Variants in TRAPPC8 observed in about 807,000 individuals in gnomAD.
TRAPPC8 encodes trafficking protein particle complex subunit 8.
In TRAPPC8, 54 loss-of-function variants were observed where a neutral mutation model predicts 174.3. The observed-to-expected ratio is 0.31, with a 90% CI of 0.25 to 0.39. The LOEUF (loss-of-function observed/expected upper bound fraction) is 0.39, where lower values mean the gene tolerates loss of function less well. TRAPPC8 is among the 10% of genes least tolerant of loss of function. The probability of loss-of-function intolerance (pLI) is 1.00; values close to 1 mark genes in which losing one functional copy is unlikely to be tolerated. For synonymous variants in TRAPPC8, 630 were observed against 579.9 expected, an observed-to-expected ratio of 1.09 and a Z score of -1.24; for missense variants, 1,531 against 1,699.1, an observed-to-expected ratio of 0.90 and a Z score of 1.74.
At chr18:31,920,499 T>C (rs930446992) in intron 2 of TRAPPC8, among the ~76,000 whole-genome samples, 3 of 152,144 alleles carry the variant, frequency 2.0e-5, no homozygotes, top group African/African-American at 7.2e-5. Flanking sequence ...TTCATGTTCA[T>C]TCTTATAAAA....
chr18:31,830,870 C>A lies in TRAPPC8; in HGVS notation c.4193G>T (p.Gly1398Val). The A allele has an allele frequency of 6.2e-7, 1 of 1,614,198 alleles. No homozygotes were observed. Among genetic ancestry groups the A allele is most frequent in the Non-Finnish European group, 8.5e-7 (1 of 1,180,032 alleles). ...CCTAGGAGTTCCAAGGTTATAAACA[C>A]CTGTATGAACAAAGCATGCTTTCAG... is the stretch of plus-strand genomic sequence containing the variant. ...LQLKACFVHT[G>V]VYNLGTPRVF... The change falls in exon 29 of 29, where the codon GGT becomes GTT. Residue 1398 changes from glycine to valine, a missense_variant. Transcript: ENST00000283351.
chr18:31,894,023 A>G (rs2036082456), intron 11 of TRAPPC8, among the ~76,000 whole-genome samples: 1 of 152,208 alleles, frequency 6.6e-6, no homozygotes, highest in Non-Finnish European at 1.5e-5. Context: ...CCAAAATGAG[A>G]AACCCTTAGC....
At chr18:31,919,206 T>A (rs2037270522) in intron 2 of TRAPPC8, among the ~76,000 whole-genome samples, 1 of 152,054 alleles carries the variant, frequency 6.6e-6, no homozygotes, top group Non-Finnish European at 1.5e-5. Context: ...AAAGAGGAAA[T>A]GGGCAGGGCA....
chr18:31,888,484 T>A (rs778094106), intron 12 of TRAPPC8, among the ~76,000 whole-genome samples: 3 of 152,164 alleles, frequency 2.0e-5, no homozygotes, highest in Non-Finnish European at 4.4e-5. Context: ...TGCAGCACTA[T>A]TCACAATAGC....
intron 22 of TRAPPC8, 43 bp downstream of exon 22, chr18:31,853,806 T>C: frequency 6.9e-7 from 1 of 1,453,946 alleles, no homozygotes; most frequent in Non-Finnish European, 9.4e-7. Flanking sequence ...AACCAAGTAA[T>C]GAAGTTTCAA....
chr18:31,874,638 C>G lies in TRAPPC8; in HGVS notation c.1795G>C (p.Ala599Pro). Residue 599 changes from alanine (A) to proline (P), a missense_variant, in exon 13 of 29, where the codon GCA becomes CCA. Physicochemically the swap from Ala to Pro is conservative, Grantham distance 27. Transcript: ENST00000283351. The stretch of plus-strand genomic sequence containing the variant: ...ATAGTGAAATTAATGTGATCCTCTG[C>G]AAGAGACCAGCCTTTTCCTTTGTAA... The part of the protein sequence containing the change: ...QVYKGKGWSL[A>P]EDHINFTIGR... 1.2e-6 allele frequency: 2 copies of G among 1,614,088 alleles called. No individual in the cohort carries two copies. Among genetic ancestry groups the G allele is most frequent in the Non-Finnish European group, 1.7e-6 (2 of 1,179,998 alleles).
At chr18:31,868,999 AT>A (rs2034715958) in intron 16 of TRAPPC8, among the ~76,000 whole-genome samples, 1 of 150,732 alleles carries the variant, frequency 6.6e-6, no homozygotes, top group South Asian at 2.1e-4. Flanking sequence ...CAGTTCCAAA[AT>A]CCTTTTTTTT....
chr18:31,898,632 G>A (rs191260045), intron 10 of TRAPPC8, among the ~76,000 whole-genome samples: 7 of 152,184 alleles, frequency 4.6e-5, no homozygotes, highest in Non-Finnish European at 8.8e-5. Context: ...AGTACCATTA[G>A]GATATTTCTG....
At chr18:31,920,866 A>C (rs544406970) in intron 2 of TRAPPC8, among the ~76,000 whole-genome samples, 1 of 149,828 alleles carries the variant, frequency 6.7e-6, no homozygotes, top group African/African-American at 2.4e-5. Context: ...GCTTGAACCA[A>C]GGAGACAGAG....
chr18:31,867,884 G>A (rs1365024138), intron 16 of TRAPPC8, among the ~76,000 whole-genome samples: 1 of 151,898 alleles, frequency 6.6e-6, no homozygotes, highest in Non-Finnish European at 1.5e-5. Flanking sequence ...GTTTCAAAAC[G>A]GGAGCATATC....
chr18:31,841,751 CTGATG>C (rs1410618818), intron 26 of TRAPPC8, among the ~76,000 whole-genome samples: 1 of 152,100 alleles, frequency 6.6e-6, no homozygotes, highest in East Asian at 1.9e-4. Flanking sequence ...ATTTTAAGTA[CTGATG>C]TGAACCAACA....
At chr18:31,865,796 T>C (rs991864977) in intron 18 of TRAPPC8, among the ~76,000 whole-genome samples, 2 of 151,188 alleles carry the variant, frequency 1.3e-5, no homozygotes, top group Non-Finnish European at 3.0e-5. Context: ...TTAGCATTTT[T>C]AAATTATAAA....
chr18:31,902,812 G>A (rs2145440197), intron 9 of TRAPPC8, among the ~76,000 whole-genome samples: 2 of 152,216 alleles, frequency 1.3e-5, no homozygotes, highest in East Asian at 3.9e-4. Context: ...CACTTTGGGA[G>A]GCCGAGGCGG....
chr18:31,863,607 T>C (rs1389825965), intron 19 of TRAPPC8, among the ~76,000 whole-genome samples: 1 of 152,182 alleles, frequency 6.6e-6, no homozygotes. Context: ...ATTAAAACTA[T>C]ATATAAGTGC....
At chr18:31,834,863 T>C (rs150610710) in intron 27 of TRAPPC8, among the ~76,000 whole-genome samples, 149 of 152,300 alleles carry the variant, frequency 9.8e-4, no homozygotes, top group African/African-American at 3.5e-3. Context: ...TTTCTACTTG[T>C]TTTCTGAAAC....
chr18:31,926,035 A>T (rs1350672357), intron 2 of TRAPPC8, among the ~76,000 whole-genome samples: 1 of 152,196 alleles, frequency 6.6e-6, no homozygotes, highest in Admixed American at 6.6e-5. Flanking sequence ...AAGGGAAGGA[A>T]ATCCTCAGGA....
At chr18:31,888,214 T>C (rs2035805271) in intron 12 of TRAPPC8, among the ~76,000 whole-genome samples, 1 of 152,178 alleles carries the variant, frequency 6.6e-6, no homozygotes, top group Non-Finnish European at 1.5e-5. Context: ...TGAGATACCA[T>C]TTCATGGCAG....
At chr18:31,874,772 A>AAC in intron 12 of TRAPPC8, 68 bp from the exon 13 acceptor site, 1 of 1,326,440 alleles carries the variant, frequency 7.5e-7, no homozygotes, top group Non-Finnish European at 1.0e-6. Flanking sequence ...AACAAATACA[A>AAC]ACACACACAT....
intron 13 of TRAPPC8, chr18:31,874,251 C>T (rs192017287): frequency 2.1e-6 from 1 of 468,742 alleles, no homozygotes; most frequent in South Asian, 4.6e-5. Flanking sequence ...ATTCTAAGAA[C>T]AGCCACAAAT....
Sources: allele counts gnomAD v4.1 joint callset (sites outside exome capture counted in the v4.1 genomes callset), GRCh38; gene constraint gnomAD v4.1.1; transcripts MANE v1.5; gene names NCBI Gene and HGNC (gene_info 2026-07-23, HGNC 2026-07-21).